UMAD1: variants seen among roughly 807,000 people sequenced by gnomAD.
UMAD1 encodes UBAP1-MVB12-associated (UMA)-domain containing protein 1.
A neutral mutation model predicts 6.1 loss-of-function variants in UMAD1; 8 were observed. The observed-to-expected ratio is 1.30, with a 90% CI of 0.76 to 2.35. The LOEUF (loss-of-function observed/expected upper bound fraction) is 2.35. Ranked by LOEUF, UMAD1 falls within the 30% of genes most tolerant of loss-of-function variation. The pLI, the probability that UMAD1 is intolerant of heterozygous loss-of-function variation, is 0.00. For missense variants in UMAD1, 130 were observed against 78.4 expected (o/e 1.66, Z -2.49); for synonymous variants, 56 against 31.4 (o/e 1.78, Z -2.61).
chr7:7,777,233 G>A (rs1459688070), intron 2 of UMAD1, among the ~76,000 whole-genome samples: 8 of 152,046 alleles, frequency 5.3e-5, no homozygotes, highest in East Asian at 1.9e-4. Flanking sequence ...CAGGCTGGGC[G>A]TGGCGGCTCA....
intron 2 of UMAD1, among the ~76,000 whole-genome samples, chr7:7,732,409 A>G (rs1267375736): frequency 2.6e-5 from 4 of 152,216 alleles, no homozygotes. Flanking sequence ...AAAGTTTCTA[A>G]TAGATGTGTA....
At chr7:7,735,127 G>C (rs1186508997) in intron 2 of UMAD1, among the ~76,000 whole-genome samples, 1 of 152,120 alleles carries the variant, frequency 6.6e-6, no homozygotes, top group Non-Finnish European at 1.5e-5. Flanking sequence ...ACAATGATTT[G>C]TCCATGAAGA....
At chr7:7,663,256 C>T (rs1193285232) in intron 1 of UMAD1, among the ~76,000 whole-genome samples, 1 of 147,766 alleles carries the variant, frequency 6.8e-6, no homozygotes, top group African/African-American at 2.5e-5. Flanking sequence ...CAGTTTGAAG[C>T]AAACACCTAA....
At chr7:7,653,838 G>A (rs866011116) in intron 1 of UMAD1, among the ~76,000 whole-genome samples, 1 of 152,216 alleles carries the variant, frequency 6.6e-6, no homozygotes, top group Admixed American at 6.5e-5. Context: ...ACAGCTGGGG[G>A]ATAGGAAGGC....
chr7:7,803,629 T>G (rs913039676), intron 3 of UMAD1, among the ~76,000 whole-genome samples: 3 of 152,028 alleles, frequency 2.0e-5, no homozygotes, highest in Admixed American at 1.3e-4. Context: ...CAACAGAAAT[T>G]TATTTCTTTA....
chr7:7,668,031 C>T (rs1186801451), intron 1 of UMAD1, among the ~76,000 whole-genome samples: 1 of 152,136 alleles, frequency 6.6e-6, no homozygotes, highest in Non-Finnish European at 1.5e-5. Flanking sequence ...GTCCTCCAAC[C>T]TCAGCCTCCC....
chr7:7,720,866 C>T (rs985591680), intron 2 of UMAD1, among the ~76,000 whole-genome samples: 2 of 152,156 alleles, frequency 1.3e-5, no homozygotes, highest in Non-Finnish European at 2.9e-5. Flanking sequence ...ACTTCACCCC[C>T]AGTACCTATG....
chr7:7,698,576 G>A (rs1008285858), intron 2 of UMAD1, among the ~76,000 whole-genome samples: 1 of 151,766 alleles, frequency 6.6e-6, no homozygotes, highest in African/African-American at 2.4e-5. Flanking sequence ...GTAGTATTTC[G>A]TAGAACTGGA....
chr7:7,666,657 G>A (rs1374948333), intron 1 of UMAD1, among the ~76,000 whole-genome samples: 1 of 151,938 alleles, frequency 6.6e-6, no homozygotes, highest in African/African-American at 2.4e-5. Flanking sequence ...TGAAGTGGCT[G>A]TTCATATTTT....
chr7:7,796,643 CA>C (rs1782689516), intron 2 of UMAD1, among the ~76,000 whole-genome samples: 1 of 152,150 alleles, frequency 6.6e-6, no homozygotes, highest in South Asian at 2.1e-4. Context: ...GGTTTTCGTT[CA>C]AGATAGTGTC....
intron 2 of UMAD1, among the ~76,000 whole-genome samples, chr7:7,732,782 A>G (rs894593038): frequency 5.3e-5 from 8 of 152,348 alleles, no homozygotes; most frequent in East Asian, 1.9e-4. Flanking sequence ...AAAGTTGCAC[A>G]AGGATTTCAT....
At position 7,694,960 on chromosome 7, in the gene UMAD1, C is replaced by T. The variant is rs536355446; in HGVS notation, c.82+21507C>T. On this transcript the variant is annotated intron_variant, in intron 2 of 3. Coordinates refer to ENST00000682710, the MANE Select transcript of UMAD1 (RefSeq NM_001302348.2). ...TATTTTTAGTTTTTTGAGGAACCTCCCTACTGTTCTCCATAGTGGTTGTAC... is the reference window on the plus strand; with the variant it reads ...TATTTTTAGTTTTTTGAGGAACCTCTCTACTGTTCTCCATAGTGGTTGTAC... 1.2e-4 allele frequency among the ~76,000 whole-genome samples: 18 copies of T among 152,258 alleles called. No homozygotes were observed. The South Asian group carries it at 2.3e-3, about 19-fold the overall frequency.
intron 2 of UMAD1, among the ~76,000 whole-genome samples, chr7:7,797,842 C>T (rs751957298): frequency 6.6e-6 from 1 of 152,114 alleles, no homozygotes; most frequent in African/African-American, 2.4e-5. Context: ...GCACATGCCA[C>T]CACCCCCAGC....
At chr7:7,719,120 A>C (rs909953250) in intron 2 of UMAD1, among the ~76,000 whole-genome samples, 1 of 152,188 alleles carries the variant, frequency 6.6e-6, no homozygotes, top group Non-Finnish European at 1.5e-5. Context: ...TTAATTATCA[A>C]GATTTAGTGA....
chr7:7,860,800 ATAAT>A (rs1471038941), intron 3 of UMAD1, among the ~76,000 whole-genome samples: 1 of 71,342 alleles, frequency 1.4e-5, no homozygotes, highest in Middle Eastern at 6.2e-3. Flanking sequence ...AACAAAAAAA[ATAAT>A]AATAATAATA....
intron 3 of UMAD1, among the ~76,000 whole-genome samples, chr7:7,876,835 G>A (rs1194025669): frequency 1.3e-5 from 2 of 152,162 alleles, no homozygotes; most frequent in Non-Finnish European, 2.9e-5. Flanking sequence ...CAATTTGCAA[G>A]GACACATATA....
chr7:7,738,338 T>C (rs1338838233), intron 2 of UMAD1, among the ~76,000 whole-genome samples: 1 of 152,212 alleles, frequency 6.6e-6, no homozygotes, highest in East Asian at 1.9e-4. Flanking sequence ...ATTGCTGTAT[T>C]CATCAAGTCA....
chr7:7,761,448 CTT>C (rs1203502208), intron 2 of UMAD1, among the ~76,000 whole-genome samples: 1 of 150,882 alleles, frequency 6.6e-6, no homozygotes, highest in Non-Finnish European at 1.5e-5. Context: ...GAATAAGACA[CTT>C]GACTGCCATC....
chr7:7,675,927 C>A (rs564095013), intron 2 of UMAD1, among the ~76,000 whole-genome samples: 1 of 152,182 alleles, frequency 6.6e-6, no homozygotes, highest in Admixed American at 6.5e-5. Flanking sequence ...CATTTCCCCC[C>A]AGGTGCAAAG....
Sources: gnomAD v4.1 joint callset for allele counts (sites outside exome capture counted in the v4.1 genomes callset) on GRCh38, gnomAD v4.1.1 for gene constraint, MANE v1.5 for transcripts, NCBI Gene and HGNC (gene_info 2026-07-23, HGNC 2026-07-21) for gene names.